SNAP91: variants seen among roughly 807,000 people sequenced by gnomAD.
The protein encoded by SNAP91 is synaptosome associated protein 91.
A neutral mutation model predicts 100.3 loss-of-function variants in SNAP91; 27 were observed. That is an observed-to-expected ratio of 0.27 (90% CI 0.20 to 0.37). The LOEUF is 0.37. Among genes scored for constraint, SNAP91 ranks in the 10% least tolerant of loss-of-function variants. The pLI, the probability that SNAP91 is intolerant of heterozygous loss-of-function variation, is 1.00. For synonymous variants in SNAP91, 404 were observed against 398.6 expected (o/e 1.01, Z -0.16); for missense variants, 986 against 1,123.7 (o/e 0.88, Z 1.75).
At chr6:83,615,032 T>A (rs1452425778) in intron 10 of SNAP91, among the ~76,000 whole-genome samples, 170 bp from the exon 11 acceptor site, 1 of 152,128 alleles carries the variant, frequency 6.6e-6, no homozygotes, top group Non-Finnish European at 1.5e-5. Flanking sequence ...AAAAGAAAAA[T>A]TATTCTAAGA....
intron 23 of SNAP91, among the ~76,000 whole-genome samples, chr6:83,581,005 G>T (rs552783410): frequency 6.6e-6 from 1 of 152,290 alleles, no homozygotes; most frequent in South Asian, 2.1e-4. Context: ...CATGTCATGG[G>T]TTTATTATAA....
chr6:83,671,834 T>G (rs2098791647), intron 2 of SNAP91, among the ~76,000 whole-genome samples: 1 of 152,102 alleles, frequency 6.6e-6, no homozygotes, highest in Admixed American at 6.6e-5. Context: ...GTCAATCACT[T>G]AAATCCTAGG....
chr6:83,570,967 G>A (rs1302379934), intron 26 of SNAP91, among the ~76,000 whole-genome samples: 1 of 152,106 alleles, frequency 6.6e-6, no homozygotes, highest in East Asian at 1.9e-4. Context: ...AGACCCCAGA[G>A]TGGTAGCTCC....
chr6:83,697,324 G>GCACACA (rs57251608), intron 2 of SNAP91, among the ~76,000 whole-genome samples: 13,804 of 138,000 alleles, frequency 0.1, 791 homozygotes, highest in Non-Finnish European at 0.13. Flanking sequence ...GAAAATAGCT[G>GCACACA]CACACACACA....
intron 16 of SNAP91, among the ~76,000 whole-genome samples, chr6:83,597,843 A>G (rs141894584): frequency 6.6e-6 from 1 of 152,332 alleles, no homozygotes; most frequent in Non-Finnish European, 1.5e-5. Flanking sequence ...CCCAGGTTAT[A>G]AGGCTCTAAC....
Position 83,560,965 on chromosome 6 carries a change from C to T in SNAP91, c.2443-18G>A. On this transcript the variant is annotated intron_variant, in intron 26 of 29. Coordinates refer to ENST00000369694, the MANE Select transcript of SNAP91 (RefSeq NM_001242792.2). ...GCTCCTTGCTACACAGATAGACAGACATACACATATAAATAACACAAAAAC... is the reference window on the plus strand; with the variant it reads ...GCTCCTTGCTACACAGATAGACAGATATACACATATAAATAACACAAAAAC... The T allele has an allele frequency of 1.3e-6, 2 of 1,548,460 alleles. No homozygotes were observed. Among genetic ancestry groups the T allele is most frequent in the Non-Finnish European group, 8.8e-7 (1 of 1,142,842 alleles).
Position 83,582,355 on chromosome 6 carries a change from T to C in SNAP91, c.2016A>G (p.Gly672=), listed in dbSNP as rs1829637585. The change falls in exon 23 of 30, where the codon GGA becomes GGG. Residue 672 remains glycine (G), a splice_region_variant and synonymous_variant. Transcript: ENST00000369694. ...SSSASADLLA[G]FGGSFMAPSP... ...AAGGCGCCATGAAAGAACCCCCAAA[T>C]CCTGAAAAAAAGTTCCAAAAAAACA... The C allele has an allele frequency of 1.2e-6, 2 of 1,609,322 alleles. No individual in the cohort carries two copies. The highest frequency in any genetic ancestry group is 2.2e-5 in the South Asian group (2 of 90,388).
At chr6:83,585,843 T>C (rs1221554915) in intron 22 of SNAP91, among the ~76,000 whole-genome samples, 1 of 151,746 alleles carries the variant, frequency 6.6e-6, no homozygotes, top group Non-Finnish European at 1.5e-5. Context: ...AGTACAATTT[T>C]TTTTTCTTTC....
intron 26 of SNAP91, among the ~76,000 whole-genome samples, chr6:83,566,443 C>G (rs996317520): frequency 1.3e-5 from 2 of 152,074 alleles, no homozygotes; most frequent in Non-Finnish European, 2.9e-5. Flanking sequence ...ATCATTTCAA[C>G]AGGGTAGGTG....
chr6:83,701,905 C>T (rs2099316647), intron 2 of SNAP91, among the ~76,000 whole-genome samples: 1 of 152,188 alleles, frequency 6.6e-6, no homozygotes, highest in South Asian at 2.1e-4. Flanking sequence ...GTACAACTGT[C>T]TCTGGTTTGT....
At chr6:83,625,912 C>T (rs1223874236) in intron 8 of SNAP91, among the ~76,000 whole-genome samples, 1 of 152,050 alleles carries the variant, frequency 6.6e-6, no homozygotes, top group East Asian at 1.9e-4. Context: ...GTTGCAATTG[C>T]TTTTGAGGAC....
chr6:83,578,381 A>G (rs1822814798), intron 24 of SNAP91, among the ~76,000 whole-genome samples: 1 of 152,092 alleles, frequency 6.6e-6, no homozygotes, highest in Non-Finnish European at 1.5e-5. Context: ...AATACTGGTT[A>G]TATGTCTTTT....
Position 83,580,551 on chromosome 6 carries a change from C to A in SNAP91, c.2198G>T (p.Gly733Val), listed in dbSNP as rs181328629. Reference protein sequence around the residue: ...DLLMPTMAPAGQPAPVSMVPP... With the variant: ...DLLMPTMAPAVQPAPVSMVPP... ...TACCATTGAGACAGGTGCAGGCTGCCCAGCTGGTGCCATGGTTGGCATCAA... is the reference window on the plus strand; with the variant it reads ...TACCATTGAGACAGGTGCAGGCTGCACAGCTGGTGCCATGGTTGGCATCAA... Residue 733 changes from glycine (G) to valine (V), a missense_variant, in exon 24 of 30, where the codon GGG becomes GTG. Gly to Val is a moderately radical substitution (Grantham distance 109, BLOSUM62 -3). Coordinates refer to ENST00000369694, the MANE Select transcript of SNAP91 (RefSeq NM_001242792.2). 20 of 1,613,336 alleles carry A rather than the reference C, an allele frequency of 1.2e-5. No individual in the cohort carries two copies. Among genetic ancestry groups the A allele is most frequent in the African/African-American group, 1.2e-4 (9 of 74,958 alleles).
intron 6 of SNAP91, 136 bp from the exon 7 acceptor site, chr6:83,657,001 C>A (rs1376505154): frequency 1.7e-6 from 1 of 578,068 alleles, no homozygotes; most frequent in South Asian, 2.2e-5. Context: ...ATTTAGTAAC[C>A]CTACCAATAT....
chr6:83,680,385 A>G (rs78593667), intron 2 of SNAP91, among the ~76,000 whole-genome samples: 2,199 of 152,248 alleles, frequency 0.014, 31 homozygotes, highest in Middle Eastern at 0.031. Flanking sequence ...AGCAGTAGAA[A>G]AAATTTGGCA....
intron 21 of SNAP91, among the ~76,000 whole-genome samples, chr6:83,591,707 C>T (rs1049762863): frequency 6.6e-6 from 1 of 152,146 alleles, no homozygotes; most frequent in African/African-American, 2.4e-5. Context: ...TTTGTACCTA[C>T]ATGTCAAGGT....
At chr6:83,637,906 C>CGGGGTTAAGCACTGGCTGTGCTGGGGGT (rs2097530512) in intron 8 of SNAP91, among the ~76,000 whole-genome samples, 1 of 152,174 alleles carries the variant, frequency 6.6e-6, no homozygotes, top group African/African-American at 2.4e-5. Context: ...TCTGGCCCCT[C>CGGGGTTAAGCACTGGCTGTGCTGGGGGT]GGGGTTAAGC....
intron 13 of SNAP91, 54 bp from the exon 14 acceptor site, chr6:83,605,857 G>A (rs1349682062): frequency 2.1e-6 from 3 of 1,401,894 alleles, no homozygotes; most frequent in Non-Finnish European, 2.9e-6. Flanking sequence ...TAACATAAAG[G>A]TGTTTTTGAA....
At chr6:83,670,479 T>G (rs1304557644) in intron 2 of SNAP91, among the ~76,000 whole-genome samples, 1 of 151,914 alleles carries the variant, frequency 6.6e-6, no homozygotes, top group East Asian at 1.9e-4. Context: ...TCTAAATCTA[T>G]GGCTTCCCTT....
Sources: allele counts gnomAD v4.1 joint callset (sites outside exome capture counted in the v4.1 genomes callset), GRCh38; gene constraint gnomAD v4.1.1; transcripts MANE v1.5; gene names NCBI Gene and HGNC (gene_info 2026-07-23, HGNC 2026-07-21).